FAM114A2: variants seen among roughly 807,000 people sequenced by gnomAD.
FAM114A2 encodes the protein protein FAM114A2.
In FAM114A2, 53 loss-of-function variants were observed where a neutral mutation model predicts 58.4. That is an observed-to-expected ratio of 0.91 (90% CI 0.73 to 1.14). The LOEUF (loss-of-function observed/expected upper bound fraction) is 1.14, where lower values mean the gene tolerates loss of function less well. Ranked by LOEUF, FAM114A2 falls within the 50% of genes most tolerant of loss-of-function variation. The probability of loss-of-function intolerance (pLI) is 0.00; values close to 1 mark genes in which losing one functional copy is unlikely to be tolerated. For synonymous variants in FAM114A2, 228 were observed against 211.4 expected, an observed-to-expected ratio of 1.08 and a Z score of -0.68; for missense variants, 601 against 581.1, an observed-to-expected ratio of 1.03 and a Z score of -0.35.
chr5:153,997,832 C>T lies in FAM114A2; in HGVS notation c.1300G>A (p.Glu434Lys). 1 of 1,603,016 alleles carries T rather than the reference C, an allele frequency of 6.2e-7. No homozygotes were observed. Among genetic ancestry groups the T allele is most frequent in the South Asian group, 1.1e-5 (1 of 90,706 alleles). Residue 434 changes from glutamate to lysine, a missense_variant, in exon 12 of 14, where the codon GAG becomes AAG. Glu to Lys is a moderately conservative substitution (Grantham distance 56). Coordinates refer to ENST00000351797, the MANE Select transcript of FAM114A2 (RefSeq NM_018691.4). ...GCAGTTGTTAGGCAGGTAGTGAACT[C>T]TTTAGACAGAGAGGACAACTCTTTA... The part of the protein sequence containing the change: ...LCKELSSLSK[E>K]FTTCLTTAGV...
At chr5:154,026,247 G>C (rs2113444906) in intron 8 of FAM114A2, 152 bp downstream of exon 8, 1 of 501,890 alleles carries the variant, frequency 2.0e-6, no homozygotes, top group South Asian at 4.8e-5. Flanking sequence ...CAAGGCTGCA[G>C]AGAATTTTAC....
chr5:153,993,029 T>G lies in FAM114A2; in HGVS notation c.1465A>C (p.Ile489Leu). 1 of 1,613,674 alleles carries G rather than the reference T, an allele frequency of 6.2e-7. No homozygotes were observed. The highest frequency in any genetic ancestry group is 2.2e-5 in the East Asian group (1 of 44,876). ...TGCAGCTCATGTCTGTGTGATTCAA[T>G]CTTGTTCTCAATGAGAGAGATCTCT... ...VLEISLIENK[I>L]ESHRHELQGQ... Residue 489 changes from isoleucine (I) to leucine (L), a missense_variant, in exon 14 of 14, where the codon ATT becomes CTT. Ile to Leu is a conservative substitution (Grantham distance 5). Transcript: ENST00000351797.
intron 9 of FAM114A2, among the ~76,000 whole-genome samples, chr5:154,009,811 G>A (rs1347478800): frequency 6.6e-6 from 1 of 151,766 alleles, no homozygotes; most frequent in Non-Finnish European, 1.5e-5. Flanking sequence ...AAGACAAAAA[G>A]ACAAAAAAAG....
At chr5:154,013,377 T>C (rs1561555417) in intron 8 of FAM114A2, among the ~76,000 whole-genome samples, 2 of 152,176 alleles carry the variant, frequency 1.3e-5, no homozygotes, top group Admixed American at 1.3e-4. Context: ...TCTATGGTAT[T>C]CTCTCCCCTC....
intron 8 of FAM114A2, among the ~76,000 whole-genome samples, chr5:154,013,166 T>C (rs1267499457): frequency 6.6e-6 from 1 of 152,132 alleles, no homozygotes; most frequent in African/African-American, 2.4e-5. Context: ...CTGTTTAGAA[T>C]TGAGTAGAAA....
In FAM114A2 at chr5:153,991,828, C is replaced by T. The variant is rs568781321; in HGVS notation, c.*1148G>A. On this transcript the variant is annotated 3_prime_UTR_variant, in exon 14 of 14. Coordinates refer to ENST00000351797, the MANE Select transcript of FAM114A2 (RefSeq NM_018691.4). Reference sequence around the variant, plus strand: ...GATGAGGGGCAGAGCTAACAAATTACCTTAATCATTAAAAAACCACAAAGT... The same window carrying T: ...GATGAGGGGCAGAGCTAACAAATTATCTTAATCATTAAAAAACCACAAAGT... 12 of 151,550 alleles carry T rather than the reference C, an allele frequency of 7.9e-5. No individual in the cohort carries two copies. The highest frequency in any genetic ancestry group is 2.9e-4 in the African/African-American group (12 of 41,314). The allele number at this position is 151,550 out of a possible 1,614,324, so 9.4% of individuals were successfully genotyped here.
chr5:153,997,455 A>G (rs1419145130), intron 12 of FAM114A2, among the ~76,000 whole-genome samples: 2 of 152,198 alleles, frequency 1.3e-5, no homozygotes, highest in Non-Finnish European at 2.9e-5. Flanking sequence ...GATAAGCCTC[A>G]AAAACACTAT....
chr5:154,032,909 C>T (rs1215256391), intron 4 of FAM114A2, among the ~76,000 whole-genome samples: 1 of 152,124 alleles, frequency 6.6e-6, no homozygotes, highest in Non-Finnish European at 1.5e-5. Flanking sequence ...TTCACACATG[C>T]TGTTACTTGC....
At chr5:154,010,108 C>T (rs748746396) in intron 9 of FAM114A2, among the ~76,000 whole-genome samples, 1 of 152,150 alleles carries the variant, frequency 6.6e-6, no homozygotes, top group Non-Finnish European at 1.5e-5. Context: ...ATAATGTTTA[C>T]AATTTACTCT....
intron 8 of FAM114A2, among the ~76,000 whole-genome samples, chr5:154,023,590 A>C (rs1316337204): frequency 3.3e-5 from 5 of 152,154 alleles, no homozygotes; most frequent in Non-Finnish European, 7.3e-5. Context: ...GCAAAGGCTT[A>C]AGAATGACAC....
chr5:154,029,943 G>A (rs567530905), intron 4 of FAM114A2, among the ~76,000 whole-genome samples: 1 of 152,258 alleles, frequency 6.6e-6, no homozygotes, highest in South Asian at 2.1e-4. Flanking sequence ...ACAAAAGGAC[G>A]TGAGAGAACC....
chr5:154,006,954 G>A (rs529549916), intron 9 of FAM114A2, among the ~76,000 whole-genome samples: 41 of 152,046 alleles, frequency 2.7e-4, no homozygotes, highest in African/African-American at 9.4e-4. Flanking sequence ...CTGCCACTGC[G>A]CCTGACTAAT....
intron 9 of FAM114A2, among the ~76,000 whole-genome samples, chr5:154,003,177 G>GTTTT (rs1554081252): frequency 1.5e-5 from 2 of 134,882 alleles, no homozygotes; most frequent in African/African-American, 5.5e-5. Flanking sequence ...CTAATTGGTA[G>GTTTT]TATTTTTTTT....
intron 11 of FAM114A2, among the ~76,000 whole-genome samples, chr5:154,000,317 A>T (rs1472364770): frequency 6.6e-6 from 1 of 152,226 alleles, no homozygotes; most frequent in African/African-American, 2.4e-5. Flanking sequence ...ATACTTAGCA[A>T]TAATATTTTG....
chr5:154,032,849 G>T (rs1231423347), intron 4 of FAM114A2, among the ~76,000 whole-genome samples: 1 of 152,118 alleles, frequency 6.6e-6, no homozygotes, highest in Non-Finnish European at 1.5e-5. Context: ...ACTAACTCTG[G>T]AACAGCCTAC....
chr5:153,991,978 A>G lies in FAM114A2; in HGVS notation c.*998T>C, dbSNP rs1286293618. Reference sequence around the variant, plus strand: ...AGATCTGGAGGATAAAAGTTATATCAAAAACATGCTAAAGAATACATTAAA... The same window carrying G: ...AGATCTGGAGGATAAAAGTTATATCGAAAACATGCTAAAGAATACATTAAA... On this transcript the variant is annotated 3_prime_UTR_variant, in exon 14 of 14. Transcript: ENST00000351797. The G allele has an allele frequency of 6.6e-6, 1 of 152,198 alleles. No homozygotes were observed. Among genetic ancestry groups the G allele is most frequent in the Non-Finnish European group, 1.5e-5 (1 of 68,034 alleles). The allele number at this position is 152,198 out of a possible 1,614,324, so 9.4% of individuals were successfully genotyped here.
chr5:154,026,405 TCTCTTCTTC>T lies in FAM114A2; in HGVS notation c.898_906del (p.Glu300_Glu302del), dbSNP rs1354562627. On this transcript the variant is annotated inframe_deletion, in exon 8 of 14. Coordinates refer to ENST00000351797, the MANE Select transcript of FAM114A2 (RefSeq NM_018691.4). ...TACTAAATTTTCATATTACCTTTTTTCTCTTCTTCCTCTTCTTCACAAAATTCTGCTAGA... is the reference window on the plus strand; with the variant it reads ...TACTAAATTTTCATATTACCTTTTTTCTCTTCTTCACAAAATTCTGCTAGA... The T allele has an allele frequency of 1.9e-6, 3 of 1,570,314 alleles. No homozygotes were observed. The highest frequency in any genetic ancestry group is 2.4e-5 in the South Asian group (2 of 83,270).
At chr5:154,007,439 T>C (rs932739220) in intron 9 of FAM114A2, among the ~76,000 whole-genome samples, 15 of 152,138 alleles carry the variant, frequency 9.9e-5, no homozygotes, top group African/African-American at 3.6e-4. Context: ...GGACTCCTAA[T>C]TCAGTGCTCT....
At chr5:154,009,310 T>C (rs1770546098) in intron 9 of FAM114A2, among the ~76,000 whole-genome samples, 1 of 151,490 alleles carries the variant, frequency 6.6e-6, no homozygotes, top group Non-Finnish European at 1.5e-5. Context: ...AATTTGAACA[T>C]CAAAATAATT....
Sources: gnomAD v4.1 joint callset for allele counts (sites outside exome capture counted in the v4.1 genomes callset) on GRCh38, gnomAD v4.1.1 for gene constraint, MANE v1.5 for transcripts, NCBI Gene and HGNC (gene_info 2026-07-23, HGNC 2026-07-21) for gene names.